Variants in RABGAP1 observed in about 807,000 individuals in gnomAD.
The protein encoded by RABGAP1 is RAB GTPase activating protein 1.
Under a neutral mutation model 137.6 loss-of-function variants are expected in RABGAP1, and 23 were observed. The observed-to-expected ratio is 0.17, with a 90% confidence interval of 0.12 to 0.24. The LOEUF (loss-of-function observed/expected upper bound fraction) is 0.24. Ranked by LOEUF, RABGAP1 falls within the 10% of genes least tolerant of loss-of-function variation. RABGAP1 has a pLI of 1.00. For synonymous variants in RABGAP1, 451 were observed against 450.7 expected (o/e 1.00, Z -0.01); for missense variants, 906 against 1,275.8 (o/e 0.71, Z 4.42).
intron 2 of RABGAP1, among the ~76,000 whole-genome samples, chr9:122,976,526 A>C (rs1835768620): frequency 6.6e-6 from 1 of 152,338 alleles, no homozygotes; most frequent in African/African-American, 2.4e-5. Flanking sequence ...GATAAAGCTA[A>C]AGTCATTCAG....
At chr9:122,957,449 A>G (rs996345638) in intron 2 of RABGAP1, among the ~76,000 whole-genome samples, 2 of 152,220 alleles carry the variant, frequency 1.3e-5, no homozygotes, top group South Asian at 2.1e-4. Flanking sequence ...TGGTTATAGT[A>G]TAAACATTTG....
chr9:123,051,017 T>C (rs1470982808), intron 13 of RABGAP1, among the ~76,000 whole-genome samples: 1 of 151,972 alleles, frequency 6.6e-6, no homozygotes, highest in Non-Finnish European at 1.5e-5. Flanking sequence ...AAGGTAGTTA[T>C]GTGAAAGGCC....
intron 2 of RABGAP1, among the ~76,000 whole-genome samples, chr9:122,973,450 A>G (rs1456377163): frequency 6.6e-6 from 1 of 151,802 alleles, no homozygotes; most frequent in Non-Finnish European, 1.5e-5. Context: ...GTTAGCCAGG[A>G]TGGTCTCGAT....
chr9:123,058,444 C>T (rs1418399048), intron 13 of RABGAP1, among the ~76,000 whole-genome samples: 1 of 152,080 alleles, frequency 6.6e-6, no homozygotes, highest in Non-Finnish European at 1.5e-5. Context: ...TGGTAAAATT[C>T]TTCTTTTTCC....
chr9:123,101,808 CTGA>C, intron 25 of RABGAP1, 45 bp downstream of exon 25: 1 of 1,521,024 alleles, frequency 6.6e-7, no homozygotes, highest in Non-Finnish European at 8.8e-7. Flanking sequence ...GCTGGGTTTC[CTGA>C]TGTGCACTAG....
the RABGAP1 span, among the ~76,000 whole-genome samples, chr9:122,934,215 C>A: frequency 1.3e-5 from 2 of 151,412 alleles, no homozygotes; most frequent in Non-Finnish European, 3.0e-5. Flanking sequence ...GTAGCTGGGA[C>A]TACAGGTGCG....
At chr9:122,981,840 G>A (rs1390596464) in intron 2 of RABGAP1, among the ~76,000 whole-genome samples, 3 of 152,214 alleles carry the variant, frequency 2.0e-5, no homozygotes, top group African/African-American at 7.2e-5. Flanking sequence ...CTTGAGGTCA[G>A]GAGTTCAAGA....
At chr9:122,991,769 AT>A (rs1363981325) in intron 6 of RABGAP1, among the ~76,000 whole-genome samples, 2 of 150,982 alleles carry the variant, frequency 1.3e-5, no homozygotes, top group African/African-American at 2.4e-5. Flanking sequence ...TGTCTGGCTA[AT>A]TTTTTTTTAA....
In RABGAP1 at chr9:123,010,454, C is replaced by T. The variant is rs750579393; in HGVS notation, c.1475C>T (p.Pro492Leu). The change falls in exon 11 of 26, where the codon CCT becomes CTT. Residue 492 changes from proline (P) to leucine (L), a missense_variant. Physicochemically the swap from Pro to Leu is moderately conservative, Grantham distance 98. Around this residue, in one of 9 missense-constraint regions of RABGAP1, gnomAD observed 212 missense variants for 289.4 expected, o/e 0.73. Transcript: ENST00000373647. ...ERERRKTTAS[P>L]SVRLPQSGSQ... Reference sequence around the variant, plus strand: ...GAGAGGAGGAAAACTACAGCCAGTCCTTCAGTTCGCCTGCCACAGTCTGGA... The same window carrying T: ...GAGAGGAGGAAAACTACAGCCAGTCTTTCAGTTCGCCTGCCACAGTCTGGA... 4 of 1,613,738 alleles carry T rather than the reference C, an allele frequency of 2.5e-6. No individual in the cohort carries two copies. Among genetic ancestry groups the T allele is most frequent in the Non-Finnish European group, 2.5e-6 (3 of 1,179,786 alleles).
rs1198315150 is a variant in RABGAP1 at position 123,010,535 on chromosome 9, TGTAGG to T, written c.1549+9_1549+13del. 2 of 1,609,740 alleles carry T rather than the reference TGTAGG, an allele frequency of 1.2e-6. No homozygotes were observed. ...GAAGATGATGAAGAGGAAGGTAAAC[TGTAGG>T]GATAGCTTAATTTATTTTTGGGGGT... On this transcript the variant is annotated splice_region_variant and intron_variant, in intron 11 of 25. Transcript: ENST00000373647.
In RABGAP1 at chr9:123,020,326, T is replaced by G. The variant is rs1336190459; in HGVS notation, c.1661T>G (p.Val554Gly). Residue 554 changes from valine (V) to glycine (G), a missense_variant, in exon 13 of 26, where the codon GTG becomes GGG. Coordinates refer to ENST00000373647, the MANE Select transcript of RABGAP1 (RefSeq NM_012197.4). ...ATTTTTAGGCATCTCAACTTGAATG[T>G]GAGACCGAAGCAGTTGTCATCCTTA... ...LLSKWHLNLN[V>G]RPKQLSSLVR... is the part of the protein sequence containing the mutation. 3 of 1,578,060 alleles carry G rather than the reference T, an allele frequency of 1.9e-6. No individual in the cohort carries two copies. Among genetic ancestry groups the G allele is most frequent in the Admixed American group, 3.5e-5 (2 of 56,382 alleles).
chr9:123,099,824 T>C (rs2035288888), intron 24 of RABGAP1, among the ~76,000 whole-genome samples: 1 of 152,116 alleles, frequency 6.6e-6, no homozygotes, highest in South Asian at 2.1e-4. Flanking sequence ...ATGTCCGCAG[T>C]GTGATGCTGA....
intron 19 of RABGAP1, among the ~76,000 whole-genome samples, chr9:123,087,120 C>T (rs2034890821): frequency 6.6e-6 from 1 of 152,158 alleles, no homozygotes; most frequent in Non-Finnish European, 1.5e-5. Flanking sequence ...CACACACCAA[C>T]TCTTGTTATA....
chr9:122,981,359 A>G (rs1457335853), intron 2 of RABGAP1, among the ~76,000 whole-genome samples: 2 of 152,202 alleles, frequency 1.3e-5, no homozygotes, highest in African/African-American at 4.8e-5. Flanking sequence ...ACTTCTGAAA[A>G]AAGATAAATA....
At chr9:122,982,522 C>A (rs2131735753) in intron 2 of RABGAP1, among the ~76,000 whole-genome samples, 1 of 152,280 alleles carries the variant, frequency 6.6e-6, no homozygotes, top group Non-Finnish European at 1.5e-5. Context: ...GTTGTAATTA[C>A]TAATTGCTTC....
chr9:122,997,260 A>C lies in RABGAP1; in HGVS notation c.1103A>C (p.Glu368Ala). The C allele has an allele frequency of 6.3e-7, 1 of 1,598,682 alleles. No individual in the cohort carries two copies. Among genetic ancestry groups the C allele is most frequent in the Non-Finnish European group, 8.5e-7 (1 of 1,172,974 alleles). The change falls in exon 9 of 26, where the codon GAA (glutamate) becomes GCA (alanine). Residue 368 changes from glutamate to alanine, a missense_variant and splice_region_variant. By Grantham distance (107) the Glu-to-Ala change is moderately radical (BLOSUM62 -1). This residue lies in a region of RABGAP1 where 212 missense variants were observed against 289.4 expected (regional missense o/e 0.73). Transcript: ENST00000373647. ...RNSDMHLLDLESMGKSSDGKS... is the reference protein window; with the variant it reads ...RNSDMHLLDLASMGKSSDGKS... ...TTTATTTTTACTCTTTTTTTCTAGG[A>C]ATCTATGGGCAAAAGTTCAGATGGA...
intron 13 of RABGAP1, among the ~76,000 whole-genome samples, chr9:123,061,206 C>T (rs1331746731): frequency 6.6e-6 from 1 of 152,158 alleles, no homozygotes; most frequent in Non-Finnish European, 1.5e-5. Flanking sequence ...GCAACCTCTA[C>T]CTCCTGGGCT....
At chr9:123,094,063 T>C (rs1258718385) in intron 21 of RABGAP1, among the ~76,000 whole-genome samples, 1 of 152,240 alleles carries the variant, frequency 6.6e-6, no homozygotes, top group Non-Finnish European at 1.5e-5. Flanking sequence ...ATTGCTAGTC[T>C]CTAGAGATGC....
chr9:123,083,017 T>C (rs1048219222), intron 19 of RABGAP1, among the ~76,000 whole-genome samples: 1 of 152,228 alleles, frequency 6.6e-6, no homozygotes, highest in Non-Finnish European at 1.5e-5. Flanking sequence ...TCATACACAG[T>C]GCTCTCATAC....
Sources: gnomAD v4.1 joint callset for allele counts (sites outside exome capture counted in the v4.1 genomes callset) on GRCh38, gnomAD v4.1.1 for gene constraint, gnomAD v4.1.1 regional missense constraint, MANE v1.5 for transcripts, NCBI Gene and HGNC (gene_info 2026-07-23, HGNC 2026-07-21) for gene names.